The following THSD7B variants were observed in gnomAD, a reference collection of about 807,000 sequenced individuals.
The protein encoded by THSD7B is thrombospondin type-1 domain-containing protein 7B.
A neutral mutation model predicts 213.6 loss-of-function variants in THSD7B; 138 were observed. The observed-to-expected ratio is 0.65, with a 90% CI of 0.56 to 0.74. THSD7B has a LOEUF of 0.74. THSD7B is among the 30% of genes least tolerant of loss of function. The pLI is 0.00. For missense variants in THSD7B, 1,931 were observed against 1,991.5 expected (o/e 0.97, Z 0.58); for synonymous variants, 742 against 687.0 (o/e 1.08, Z -1.25).
intron 4 of THSD7B, among the ~76,000 whole-genome samples, chr2:137,103,878 T>G (rs1037526929): frequency 2.6e-5 from 4 of 152,104 alleles, no homozygotes; most frequent in Non-Finnish European, 5.9e-5. Flanking sequence ...GCATCCAGAT[T>G]CATAAACCAA....
intron 12 of THSD7B, among the ~76,000 whole-genome samples, chr2:137,397,864 T>G (rs1686234678): frequency 1.1e-5 from 1 of 94,214 alleles, no homozygotes; most frequent in Non-Finnish European, 2.1e-5. Context: ...CTTTGCTCAT[T>G]TCTTTTTATT....
chr2:137,335,090 C>A (rs749023045), intron 12 of THSD7B, among the ~76,000 whole-genome samples: 7 of 152,172 alleles, frequency 4.6e-5, no homozygotes, highest in Admixed American at 6.5e-5. Context: ...CAGGTATTTT[C>A]TTCATAGCAG....
intron 7 of THSD7B, among the ~76,000 whole-genome samples, chr2:137,229,026 A>T (rs1157984090): frequency 1.3e-5 from 2 of 152,236 alleles, no homozygotes; most frequent in Non-Finnish European, 2.9e-5. Context: ...GATCAAATAC[A>T]GGTGAAGAGC....
chr2:137,068,999 G>T (rs973008036), intron 3 of THSD7B, among the ~76,000 whole-genome samples: 1 of 152,084 alleles, frequency 6.6e-6, no homozygotes, highest in East Asian at 1.9e-4. Flanking sequence ...CGCCTCAAAC[G>T]ATTTTCTTTT....
At chr2:137,646,731 T>A (rs980411404) in intron 21 of THSD7B, among the ~76,000 whole-genome samples, 2 of 151,446 alleles carry the variant, frequency 1.3e-5, no homozygotes, top group Non-Finnish European at 2.9e-5. Flanking sequence ...TCCAGAACCA[T>A]GAGCAATAAA....
At chr2:136,772,422 C>T (rs1681524369) in intron 1 of THSD7B, among the ~76,000 whole-genome samples, 1 of 151,984 alleles carries the variant, frequency 6.6e-6, no homozygotes, top group Non-Finnish European at 1.5e-5. Flanking sequence ...ATCTCAAAAT[C>T]ATAAAGAACT....
chr2:137,523,600 A>G (rs1680226091), intron 15 of THSD7B, among the ~76,000 whole-genome samples: 1 of 152,182 alleles, frequency 6.6e-6, no homozygotes, highest in Non-Finnish European at 1.5e-5. Flanking sequence ...ATACTCAATA[A>G]TTGTCTGCCC....
At chr2:137,339,879 T>C (rs1325945898) in intron 12 of THSD7B, among the ~76,000 whole-genome samples, 1 of 151,288 alleles carries the variant, frequency 6.6e-6, no homozygotes, top group African/African-American at 2.4e-5. Context: ...GAATGGCCTT[T>C]TTTTTTTTTT....
At chr2:137,053,526 T>A (rs1687106277) in intron 2 of THSD7B, among the ~76,000 whole-genome samples, 1 of 151,954 alleles carries the variant, frequency 6.6e-6, no homozygotes. Context: ...AGTAATGATT[T>A]CAAATAACCA....
chr2:137,370,210 A>G (rs1481936329), intron 12 of THSD7B, among the ~76,000 whole-genome samples: 2 of 152,116 alleles, frequency 1.3e-5, no homozygotes, highest in African/African-American at 2.4e-5. Flanking sequence ...TATTTTAAAG[A>G]TGTTAGATTT....
At chr2:137,170,157 A>C (rs1010628734) in intron 6 of THSD7B, among the ~76,000 whole-genome samples, 4 of 152,114 alleles carry the variant, frequency 2.6e-5, no homozygotes, top group African/African-American at 9.7e-5. Context: ...CCCACAGTAC[A>C]CTTTTTTTAA....
At chr2:137,110,018 C>G (rs1350275635) in intron 4 of THSD7B, among the ~76,000 whole-genome samples, 3 of 152,180 alleles carry the variant, frequency 2.0e-5, no homozygotes, top group African/African-American at 4.8e-5. Flanking sequence ...GCCCTTTTCT[C>G]TGCCCAGAAC....
chr2:137,095,756 T>C (rs999058769), intron 4 of THSD7B, among the ~76,000 whole-genome samples: 6 of 152,144 alleles, frequency 3.9e-5, no homozygotes, highest in African/African-American at 1.4e-4. Context: ...AGTGCAATGG[T>C]GTGATTATGG....
chr2:137,409,673 C>T (rs1416236940), intron 13 of THSD7B, among the ~76,000 whole-genome samples: 1 of 151,870 alleles, frequency 6.6e-6, no homozygotes, highest in African/African-American at 2.4e-5. Context: ...TTGGGGAACC[C>T]CATCAGTTTA....
chr2:136,917,966 GGTAACTAGTT>G (rs1355855966), intron 2 of THSD7B, among the ~76,000 whole-genome samples: 1 of 152,124 alleles, frequency 6.6e-6, no homozygotes, highest in Admixed American at 6.6e-5. Context: ...CCAGAACAGT[GGTAACTAGTT>G]GTAATCTGAG....
intron 2 of THSD7B, among the ~76,000 whole-genome samples, chr2:137,000,528 C>G (rs1226720278): frequency 6.6e-6 from 1 of 152,032 alleles, no homozygotes. Context: ...ACTCATGAAA[C>G]TGGTAATGCA....
At chr2:136,782,625 G>C (rs1035985248) in intron 1 of THSD7B, among the ~76,000 whole-genome samples, 2 of 152,148 alleles carry the variant, frequency 1.3e-5, no homozygotes, top group South Asian at 4.2e-4. Flanking sequence ...GGGGTGGTTG[G>C]GGGGTTGGGG....
chr2:136,944,632 T>A lies in THSD7B; in HGVS notation c.139+62315T>A, dbSNP rs893750362. ...CTTGTTGAATTGATCCCTTTACCATTATGTAATGGCCTTCTTTGTCTCTTT... is the reference window on the plus strand; with the variant it reads ...CTTGTTGAATTGATCCCTTTACCATAATGTAATGGCCTTCTTTGTCTCTTT... On this transcript the variant is annotated intron_variant, in intron 2 of 27. Coordinates refer to ENST00000409968, the MANE Select transcript of THSD7B (RefSeq NM_001316349.2). Among the ~76,000 whole-genome samples, 3 of 152,200 alleles carry A rather than the reference T, an allele frequency of 2.0e-5. No individual in the cohort carries two copies. The East Asian group carries it at 5.8e-4, about 29-fold the overall frequency.
chr2:137,561,175 C>T (rs1169198397), intron 15 of THSD7B, among the ~76,000 whole-genome samples: 1 of 152,156 alleles, frequency 6.6e-6, no homozygotes, highest in Non-Finnish European at 1.5e-5. Context: ...GATAGCTATC[C>T]TGCTGCAGGT....
Sources: allele counts gnomAD v4.1 joint callset (sites outside exome capture counted in the v4.1 genomes callset), GRCh38; gene constraint gnomAD v4.1.1; transcripts MANE v1.5; gene names NCBI Gene and HGNC (gene_info 2026-07-23, HGNC 2026-07-21).